Variants in TXK observed in about 807,000 individuals in gnomAD.
TXK encodes the protein tyrosine-protein kinase TXK.
In TXK, 60 loss-of-function variants were observed where a neutral mutation model predicts 81.0. That is an observed-to-expected ratio of 0.74 (90% CI 0.60 to 0.92). TXK has a LOEUF of 0.92. Ranked by LOEUF, TXK falls within the 40% of genes least tolerant of loss-of-function variation. The probability of loss-of-function intolerance (pLI) is 0.00; values close to 1 mark genes in which losing one functional copy is unlikely to be tolerated. For synonymous variants in TXK, 203 were observed against 210.7 expected (o/e 0.96, Z 0.32); for missense variants, 581 against 638.3 (o/e 0.91, Z 0.97).
chr4:48,078,230 T>C (rs1212229542), intron 11 of TXK, among the ~76,000 whole-genome samples: 2 of 152,214 alleles, frequency 1.3e-5, no homozygotes, highest in Non-Finnish European at 2.9e-5. Context: ...AGTATTTGTG[T>C]AAATGACGTA....
Position 48,067,698 on chromosome 4 carries a change from T to C in TXK, c.1523A>G (p.Glu508Gly). The C allele has an allele frequency of 6.2e-7, 1 of 1,614,060 alleles. No individual in the cohort carries two copies. Among genetic ancestry groups the C allele is most frequent in the Non-Finnish European group, 8.5e-7 (1 of 1,179,970 alleles). The stretch of plus-strand genomic sequence containing the variant: ...CAGCTCGGCAAATGTAGGGCGGCCT[T>C]CAGGTTTCTGGAAAAGGGAAGTGGG... ...VMYSCWHEKP[E>G]GRPTFAELLR... Residue 508 changes from glutamate (E) to glycine (G), a missense_variant, in exon 15 of 15, where the codon GAA (glutamate) becomes GGA (glycine). By Grantham distance (98) the Glu-to-Gly change is moderately conservative. Coordinates refer to ENST00000264316, the MANE Select transcript of TXK (RefSeq NM_003328.3).
intron 1 of TXK, among the ~76,000 whole-genome samples, chr4:48,122,545 C>T (rs1718986927): frequency 1.3e-5 from 2 of 152,206 alleles, no homozygotes; most frequent in Admixed American, 1.3e-4. Flanking sequence ...TTCTCACCTT[C>T]TAACATGCTG....
chr4:48,085,135 T>C (rs1054776714), intron 10 of TXK, among the ~76,000 whole-genome samples: 1 of 152,208 alleles, frequency 6.6e-6, no homozygotes, highest in African/African-American at 2.4e-5. Context: ...TGGCCTGTCC[T>C]GGTCCTGCTC....
intron 2 of TXK, 105 bp from the exon 3 acceptor site, chr4:48,113,414 C>T: frequency 1.2e-6 from 1 of 819,402 alleles, no homozygotes; most frequent in South Asian, 2.0e-5. Flanking sequence ...GGTCTCTTTC[C>T]AACTCCATTT....
At position 48,079,848 on chromosome 4, in the gene TXK, T is replaced by C. The variant is rs944166677; in HGVS notation, c.1173+64A>G. 2.7e-5 allele frequency: 30 copies of C among 1,104,908 alleles called. No homozygotes were observed. The Middle Eastern group carries it at 6.0e-4, about 22-fold the overall frequency. 68.4% of individuals were successfully genotyped at this position (1,104,908 alleles called of 1,614,324 possible). ...ACATTATTCAAAGTATTGAAAGTAA[T>C]TGTCACATCCTTCTGAATATAGGTA... On this transcript the variant is annotated intron_variant, in intron 11 of 14. Coordinates refer to ENST00000264316, the MANE Select transcript of TXK (RefSeq NM_003328.3).
At chr4:48,082,844 A>G (rs1156519061) in intron 10 of TXK, among the ~76,000 whole-genome samples, 1 of 152,210 alleles carries the variant, frequency 6.6e-6, no homozygotes, top group African/African-American at 2.4e-5. Flanking sequence ...CAGCTGGACC[A>G]GTCAGAGAAT....
At chr4:48,086,778 AT>A in intron 9 of TXK, 141 bp from the exon 10 acceptor site, 1 of 713,586 alleles carries the variant, frequency 1.4e-6, no homozygotes, top group Non-Finnish European at 2.3e-6. Flanking sequence ...AGCCATTTTA[AT>A]ACTCTCACTG....
intron 5 of TXK, 132 bp downstream of exon 5, chr4:48,110,406 A>T: frequency 3.1e-6 from 2 of 655,078 alleles, no homozygotes; most frequent in Non-Finnish European, 5.4e-6. Flanking sequence ...ATAAGGATCA[A>T]ACGTCTCTTT....
At position 48,120,456 on chromosome 4, in the gene TXK, GCTCT is replaced by G. The variant is rs573913040; in HGVS notation, c.17-6058_17-6055del. On this transcript the variant is annotated intron_variant, in intron 1 of 14. Transcript: ENST00000264316. The stretch of plus-strand genomic sequence containing the variant: ...GTGATCTTATTTCCCTCATTGATTT[GCTCT>G]CTATTTATTGTAAAATCCAGAAATA... Among the ~76,000 whole-genome samples, 671 of 150,650 alleles carry G rather than the reference GCTCT, an allele frequency of 4.5e-3. 3 individuals carry two copies. The highest frequency in any genetic ancestry group is 0.014 in the Middle Eastern group (4 of 288).
intron 13 of TXK, among the ~76,000 whole-genome samples, chr4:48,072,314 T>C (rs1228132811): frequency 6.6e-6 from 1 of 152,206 alleles, no homozygotes; most frequent in Non-Finnish European, 1.5e-5. Context: ...AGCATTTTCA[T>C]TTCTAAGCAG....
At chr4:48,095,699 G>A (rs1203059372) in intron 6 of TXK, among the ~76,000 whole-genome samples, 2 of 152,100 alleles carry the variant, frequency 1.3e-5, no homozygotes, top group African/African-American at 2.4e-5. Context: ...TAGAAAGAAA[G>A]AACAGATATG....
In TXK at chr4:48,080,369, A is replaced by T. The variant is rs141908283; in HGVS notation, c.957-241T>A. ...GGAGACAGAATATACACTATATTCT[A>T]CGCGTAAGCATTTTATGTTTCTCCT... On this transcript the variant is annotated intron_variant, in intron 10 of 14. Transcript: ENST00000264316. Among the ~76,000 whole-genome samples the T allele has an allele frequency of 5.9e-5, 9 of 152,278 alleles. No individual in the cohort carries two copies. In the East Asian group the frequency reaches 1.7e-3, roughly 29 times the overall value.
At chr4:48,098,284 G>A (rs2109442202) in intron 6 of TXK, among the ~76,000 whole-genome samples, 1 of 152,250 alleles carries the variant, frequency 6.6e-6, no homozygotes, top group South Asian at 2.1e-4. Flanking sequence ...TAAATAAAAT[G>A]TTAAGAAATA....
chr4:48,091,631 G>C lies in TXK; in HGVS notation c.710-1807C>G, dbSNP rs375645274. On this transcript the variant is annotated intron_variant, in intron 8 of 14. Coordinates refer to ENST00000264316, the MANE Select transcript of TXK (RefSeq NM_003328.3). ...AGCGATTCTCCTGCCTCAGCCTCTC[G>C]AGTAGGTGAGATTACAGGCATGCGC... is the stretch of plus-strand genomic sequence containing the variant. Among the ~76,000 whole-genome samples the C allele has an allele frequency of 7.2e-5, 11 of 151,938 alleles. No individual in the cohort carries two copies. In the South Asian group the frequency reaches 2.3e-3, roughly 32 times the overall value.
At chr4:48,089,896 G>T in intron 8 of TXK, 72 bp from the exon 9 acceptor site, 1 of 1,078,304 alleles carries the variant, frequency 9.3e-7, no homozygotes, top group Non-Finnish European at 1.4e-6. Context: ...TATTCTAGAA[G>T]ACAGTACCAT....
Position 48,066,736 on chromosome 4 carries a change from T to C in TXK, c.*901A>G, listed in dbSNP as rs1430987510. The C allele has an allele frequency of 6.6e-6, 1 of 152,230 alleles. No homozygotes were observed. Among genetic ancestry groups the C allele is most frequent in the Non-Finnish European group, 1.5e-5 (1 of 68,044 alleles). The allele number at this position is 152,230 out of a possible 1,614,324, so 9.4% of individuals were successfully genotyped here. ...AGATTTAACTGTGATTGCTGGTTGT[T>C]TCATCTCGAATTCAAAATCCTGGAT... On this transcript the variant is annotated 3_prime_UTR_variant, in exon 15 of 15. Transcript: ENST00000264316.
chr4:48,118,220 A>G (rs1577679315), intron 1 of TXK, among the ~76,000 whole-genome samples: 1 of 152,182 alleles, frequency 6.6e-6, no homozygotes, highest in Admixed American at 6.5e-5. Flanking sequence ...AACACTATCT[A>G]TCAGGCTACC....
At chr4:48,071,702 G>A (rs771180991) in intron 13 of TXK, 28 bp from the exon 14 acceptor site, 3 of 1,608,364 alleles carry the variant, frequency 1.9e-6, no homozygotes, top group Non-Finnish European at 8.5e-7. Context: ...GGAAAACAAG[G>A]GGTTAGAGAG....
At chr4:48,120,347 C>T (rs1186871743) in intron 1 of TXK, among the ~76,000 whole-genome samples, 1 of 149,478 alleles carries the variant, frequency 6.7e-6, no homozygotes, top group African/African-American at 2.5e-5. Context: ...CACATATATA[C>T]GTATATACGT....
Sources: gnomAD v4.1 joint callset for allele counts (sites outside exome capture counted in the v4.1 genomes callset) on GRCh38, gnomAD v4.1.1 for gene constraint, MANE v1.5 for transcripts, NCBI Gene and HGNC (gene_info 2026-07-23, HGNC 2026-07-21) for gene names.